The following DLC1 variants were observed in gnomAD, a reference collection of about 807,000 sequenced individuals.
The protein encoded by DLC1 is rho GTPase-activating protein 7.
Under a neutral mutation model 140.3 loss-of-function variants are expected in DLC1, and 54 were observed. The observed-to-expected ratio is 0.38, with a 90% CI of 0.31 to 0.48. The LOEUF (loss-of-function observed/expected upper bound fraction) is 0.48, where lower values mean the gene tolerates loss of function less well. Ranked by LOEUF, DLC1 falls within the 20% of genes least tolerant of loss-of-function variation. The pLI is 0.96. For synonymous variants in DLC1, 986 were observed against 728.1 expected, an observed-to-expected ratio of 1.35 and a Z score of -5.70; for missense variants, 2,536 against 1,907.0, an observed-to-expected ratio of 1.33 and a Z score of -6.14.
chr8:13,322,802 A>G (rs1671392), intron 4 of DLC1, among the ~76,000 whole-genome samples: 129,650 of 152,184 alleles, frequency 0.85, 55,691 homozygotes, highest in East Asian at 0.95. Flanking sequence ...TGTGTCCACA[A>G]ATTCTTTAAC....
intron 5 of DLC1, among the ~76,000 whole-genome samples, chr8:13,272,551 C>T (rs936351288): frequency 6.6e-6 from 1 of 152,048 alleles, no homozygotes; most frequent in African/African-American, 2.4e-5. Flanking sequence ...ACAGTGTGCA[C>T]ACAATACCTT....
chr8:13,481,432 G>T (rs1459865765), intron 2 of DLC1, among the ~76,000 whole-genome samples: 1 of 151,898 alleles, frequency 6.6e-6, no homozygotes, highest in Non-Finnish European at 1.5e-5. Flanking sequence ...GTCTCAAAAA[G>T]TAAATAAATA....
intron 2 of DLC1, among the ~76,000 whole-genome samples, chr8:13,448,815 A>T (rs767332765): frequency 6.6e-6 from 1 of 152,068 alleles, no homozygotes. Context: ...CATTTCTAAT[A>T]TACGGCCACA....
chr8:13,094,222 C>T (rs1343317574), intron 12 of DLC1, among the ~76,000 whole-genome samples: 3 of 152,142 alleles, frequency 2.0e-5, no homozygotes, highest in East Asian at 1.9e-4. Context: ...CACGTAAAAA[C>T]GTACAATTGC....
intron 2 of DLC1, among the ~76,000 whole-genome samples, chr8:13,436,310 C>T (rs1360132603): frequency 1.3e-5 from 2 of 152,152 alleles, no homozygotes; most frequent in Non-Finnish European, 2.9e-5. Flanking sequence ...AATTCTACAC[C>T]TTGGTTTTCC....
intron 1 of DLC1, chr8:13,584,512 G>C (rs1805233525): frequency 6.6e-6 from 1 of 152,184 alleles, no homozygotes; most frequent in African/African-American, 2.4e-5. Context: ...TTTGACTGTA[G>C]AATTTGGCAC....
chr8:13,093,787 A>G (rs1246653775), intron 12 of DLC1, among the ~76,000 whole-genome samples: 1 of 152,206 alleles, frequency 6.6e-6, no homozygotes, highest in East Asian at 1.9e-4. Flanking sequence ...CACTGTGCCA[A>G]TCCTAGAGAC....
intron 2 of DLC1, among the ~76,000 whole-genome samples, chr8:13,422,916 T>A (rs916047847): frequency 1.6e-4 from 25 of 152,050 alleles, no homozygotes; most frequent in African/African-American, 6.0e-4. Flanking sequence ...GACAATTACA[T>A]TGAGCCTTGA....
At chr8:13,588,627 T>A (rs1211878664) in intron 1 of DLC1, among the ~76,000 whole-genome samples, 7 of 152,060 alleles carry the variant, frequency 4.6e-5, no homozygotes, top group Non-Finnish European at 1.0e-4. Flanking sequence ...AAAATAGTCT[T>A]AAATGAAAGT....
intron 2 of DLC1, among the ~76,000 whole-genome samples, chr8:13,496,642 A>G (rs1801517735): frequency 6.6e-6 from 1 of 151,980 alleles, no homozygotes; most frequent in Non-Finnish European, 1.5e-5. Flanking sequence ...CTGTCTATAC[A>G]TATTGGTCTG....
chr8:13,096,908 A>G (rs1362787303), intron 10 of DLC1, among the ~76,000 whole-genome samples: 1 of 152,190 alleles, frequency 6.6e-6, no homozygotes, highest in Admixed American at 6.5e-5. Context: ...AGACTTAAGG[A>G]TTCCCAGATG....
chr8:13,270,566 T>C (rs1830890042), intron 5 of DLC1, among the ~76,000 whole-genome samples: 2 of 152,172 alleles, frequency 1.3e-5, no homozygotes, highest in African/African-American at 4.8e-5. Context: ...GACAAGCTCA[T>C]ATGCAAGAAC....
intron 1 of DLC1, among the ~76,000 whole-genome samples, chr8:13,565,898 C>T (rs140690734): frequency 9.3e-4 from 141 of 152,146 alleles, no homozygotes; most frequent in African/African-American, 3.3e-3. Context: ...AAAATATATC[C>T]TGTGTAATAG....
In DLC1 at chr8:13,434,210, C is replaced by T. The variant is rs118042050; in HGVS notation, c.1024-32591G>A. ...GGTTTGTTGGCAATAGAACAAACTC[C>T]TATTTAATGCCATACTTTTACAAAT... On this transcript the variant is annotated intron_variant, in intron 2 of 17. Coordinates refer to ENST00000276297, the MANE Select transcript of DLC1 (RefSeq NM_182643.3). 3.2e-3 allele frequency among the ~76,000 whole-genome samples: 487 copies of T among 152,250 alleles called. 12 individuals carry two copies. In the South Asian group the frequency reaches 0.059, roughly 18 times the overall value.
intron 5 of DLC1, among the ~76,000 whole-genome samples, chr8:13,132,534 G>C (rs909000874): frequency 6.6e-6 from 1 of 152,164 alleles, no homozygotes; most frequent in Non-Finnish European, 1.5e-5. Flanking sequence ...AATGACAGGA[G>C]ATCAGTACGA....
At chr8:13,553,689 TAA>T (rs949023662) in intron 1 of DLC1, among the ~76,000 whole-genome samples, 24 of 151,948 alleles carry the variant, frequency 1.6e-4, no homozygotes, top group Non-Finnish European at 7.4e-5. Context: ...GCAAAATTTT[TAA>T]AAGAGTTCTC....
In DLC1 at chr8:13,086,584, T is replaced by G. The variant is rs1049523368; in HGVS notation, c.4293-121A>C. 6.2e-6 allele frequency: 7 copies of G among 1,126,724 alleles called. No individual in the cohort carries two copies. The African/African-American group carries it at 6.3e-5, about 10-fold the overall frequency. 69.8% of individuals were successfully genotyped at this position (1,126,724 alleles called of 1,614,324 possible). A position where few individuals can be genotyped will look rare whatever the true frequency, so the allele number is the denominator to read the frequency against. On this transcript the variant is annotated intron_variant, in intron 16 of 17. Transcript: ENST00000276297. ...GGTCAGGCTCAGTGGCCATGCTGTG[T>G]GACCCAGGCCTAGGTAAATGGCATC...
intron 2 of DLC1, among the ~76,000 whole-genome samples, chr8:13,439,824 T>C (rs1417251854): frequency 6.6e-6 from 1 of 152,182 alleles, no homozygotes; most frequent in East Asian, 1.9e-4. Flanking sequence ...TAGGAAAGAA[T>C]GGCTTCCTTC....
intron 2 of DLC1, among the ~76,000 whole-genome samples, chr8:13,489,560 A>G (rs539432363): frequency 7.3e-6 from 1 of 137,794 alleles, no homozygotes; most frequent in South Asian, 2.5e-4. Flanking sequence ...CTGACAATAG[A>G]TGGAGAATCC....
Sources: allele counts gnomAD v4.1 joint callset (sites outside exome capture counted in the v4.1 genomes callset), GRCh38; gene constraint gnomAD v4.1.1; transcripts MANE v1.5; gene names NCBI Gene and HGNC (gene_info 2026-07-23, HGNC 2026-07-21).